The following TJAP1 variants were observed in gnomAD, a reference collection of about 807,000 sequenced individuals.
TJAP1 encodes the protein tight junction associated protein 1, also known as tight junction-associated protein 1.
A neutral mutation model predicts 42.0 loss-of-function variants in TJAP1; 27 were observed. The ratio of observed to expected loss-of-function variants is 0.64; its 90% CI spans 0.47 to 0.89. The LOEUF (loss-of-function observed/expected upper bound fraction) is 0.89, where lower values mean the gene tolerates loss of function less well. TJAP1 is among the 40% of genes least tolerant of loss of function. The pLI is 0.00. For missense variants in TJAP1, 712 were observed against 726.9 expected, an observed-to-expected ratio of 0.98 and a Z score of 0.24; for synonymous variants, 257 against 288.4, an observed-to-expected ratio of 0.89 and a Z score of 1.10.
intron 2 of TJAP1, among the ~76,000 whole-genome samples, chr6:43,489,029 C>T (rs1203168304): frequency 6.6e-6 from 1 of 152,110 alleles, no homozygotes; most frequent in Non-Finnish European, 1.5e-5. Flanking sequence ...GAGAGAGGAC[C>T]CCTCTCTTGT....
intron 3 of TJAP1, 89 bp from the exon 4 acceptor site, chr6:43,498,889 T>TA (rs1774954436): frequency 7.1e-7 from 1 of 1,416,282 alleles, no homozygotes; most frequent in Non-Finnish European, 9.5e-7. Flanking sequence ...GGCCTCAACA[T>TA]ATGTCCCCTT....
Position 43,502,070 on chromosome 6 carries a change from ACACACACT to A in TJAP1, c.291-211_291-204del, listed in dbSNP as rs1208532346. On this transcript the variant is annotated intron_variant, in intron 6 of 10. Coordinates refer to ENST00000372449, the Ensembl canonical transcript of TJAP1. ...GGGACACACACACACACACACACAC[ACACACACT>A]CTCTCTCTCTCTCTCTCTCTCTCTC... Among the ~76,000 whole-genome samples the A allele has an allele frequency of 1.0e-4, 13 of 123,854 alleles. 1 individual carries two copies. The highest frequency in any genetic ancestry group is 4.9e-4 in the African/African-American group (12 of 24,644). 81.3% of individuals were successfully genotyped at this position (123,854 alleles called of 152,430 possible). A position where few individuals can be genotyped will look rare whatever the true frequency, so the allele number is the denominator to read the frequency against.
chr6:43,486,414 G>A (rs1431848814), intron 2 of TJAP1, among the ~76,000 whole-genome samples: 5 of 148,528 alleles, frequency 3.4e-5, no homozygotes, highest in South Asian at 2.1e-4. Context: ...GGAGTGCAGC[G>A]GCGCGATCCC....
At chr6:43,480,703 CG>C (rs1196418865) in intron 2 of TJAP1, among the ~76,000 whole-genome samples, 6 of 152,050 alleles carry the variant, frequency 3.9e-5, no homozygotes, top group African/African-American at 1.4e-4. Context: ...TTAGTAGAAA[CG>C]GGGGTTTCAC....
At chr6:43,504,832 T>C (rs901153502) in exon 11 of TJAP1, 2 of 1,614,102 alleles carry the variant, frequency 1.2e-6, no homozygotes, top group African/African-American at 2.7e-5. Context: ...GCCCAGGTCC[T>C]GCTCCCAGCC....
chr6:43,498,537 A>G (rs2127590654), intron 3 of TJAP1, among the ~76,000 whole-genome samples: 1 of 152,330 alleles, frequency 6.6e-6, no homozygotes, highest in East Asian at 1.9e-4. Context: ...GCAACAGAGC[A>G]AGACCCTGTC....
At chr6:43,499,134 G>T in intron 4 of TJAP1, 34 bp downstream of exon 4, 1 of 1,610,776 alleles carries the variant, frequency 6.2e-7, no homozygotes. Context: ...CTGACCGGCA[G>T]AGGCAAGGCC....
chr6:43,495,179 A>T lies in TJAP1; in HGVS notation c.-121-2702A>T, dbSNP rs1229375369. ...GGGTCTTCCTGGAGGGACCACTCTG[A>T]TGCCATCTGCCTCACCCCTTTACCT... On this transcript the variant is annotated intron_variant, in intron 2 of 10. Coordinates refer to ENST00000372449, the Ensembl canonical transcript of TJAP1. This position sits in a 1 kb window ranked among gnomAD's most constrained non-coding sequence, Gnocchi z 4.6. Among the ~76,000 whole-genome samples, 1 of 152,172 alleles carries T rather than the reference A, an allele frequency of 6.6e-6. No homozygotes were observed. Among genetic ancestry groups the T allele is most frequent in the Non-Finnish European group, 1.5e-5 (1 of 68,016 alleles).
chr6:43,494,080 T>C (rs1788456086), intron 2 of TJAP1, among the ~76,000 whole-genome samples: 1 of 152,186 alleles, frequency 6.6e-6, no homozygotes, highest in Non-Finnish European at 1.5e-5. Context: ...AAGTAGACTT[T>C]GTTCTCTGAA....
intron 2 of TJAP1, among the ~76,000 whole-genome samples, chr6:43,490,823 C>A (rs1038658136): frequency 1.3e-5 from 2 of 152,176 alleles, no homozygotes; most frequent in Non-Finnish European, 2.9e-5. Context: ...CTTCGGATTC[C>A]ACACTGGGCT....
At chr6:43,488,541 T>G (rs1787080969) in intron 2 of TJAP1, among the ~76,000 whole-genome samples, 1 of 152,242 alleles carries the variant, frequency 6.6e-6, no homozygotes, top group African/African-American at 2.4e-5. Flanking sequence ...CTTCACTCAT[T>G]TCATTTTTGC....
In TJAP1 at chr6:43,502,355, C is replaced by G. The variant is rs1212257331; in HGVS notation, c.357+6C>G. On this transcript the variant is annotated splice_donor_region_variant and intron_variant, in intron 7 of 10. Transcript: ENST00000372449. ...AGGACAAGCTGCACACACTGGTAATCTGTCTGGGAGGGCAGCTTGGTGGGC... is the reference window on the plus strand; with the variant it reads ...AGGACAAGCTGCACACACTGGTAATGTGTCTGGGAGGGCAGCTTGGTGGGC... The G allele has an allele frequency of 1.2e-6, 2 of 1,613,242 alleles. No individual in the cohort carries two copies. Among genetic ancestry groups the G allele is most frequent in the African/African-American group, 2.7e-5 (2 of 74,882 alleles).
chr6:43,500,743 G>C lies in TJAP1; in HGVS notation c.100-1G>C. 1 of 1,614,026 alleles carries C rather than the reference G, an allele frequency of 6.2e-7. No individual in the cohort carries two copies. The highest frequency in any genetic ancestry group is 8.5e-7 in the Non-Finnish European group (1 of 1,179,990). On this transcript the variant is annotated splice_acceptor_variant, in intron 4 of 10. Transcript: ENST00000372449. LOFTEE classifies it high-confidence loss of function. ...GCCTCAAGCCTCTCTTTTTTGCCTA[G>C]GAACCCCTGACTGATGCAGAAAGGA...
At position 43,495,763 on chromosome 6, in the gene TJAP1, A is replaced by G. The variant is rs1364630219; in HGVS notation, c.-121-2118A>G. Among the ~76,000 whole-genome samples, 1 of 152,162 alleles carries G rather than the reference A, an allele frequency of 6.6e-6. No individual in the cohort carries two copies. Among genetic ancestry groups the G allele is most frequent in the East Asian group, 1.9e-4 (1 of 5,204 alleles). ...CTAGCAAGCCAGATCGCCTCTGGCC[A>G]TGGAAGCCCTGGGGATAAATACATG... On this transcript the variant is annotated intron_variant, in intron 2 of 10. Transcript: ENST00000372449. The surrounding 1 kb of genome is among the most constrained non-coding windows in gnomAD (Gnocchi z 4.6).
intron 8 of TJAP1, 179 bp from the exon 9 acceptor site, chr6:43,503,222 G>C (rs1342607505): frequency 1.6e-6 from 1 of 606,946 alleles, no homozygotes; most frequent in African/African-American, 1.9e-5. Flanking sequence ...CCCACAGCCA[G>C]TCCAGAGAGC....
chr6:43,488,543 C>G (rs1157331263), intron 2 of TJAP1, among the ~76,000 whole-genome samples: 1 of 152,238 alleles, frequency 6.6e-6, no homozygotes, highest in Non-Finnish European at 1.5e-5. Context: ...TCACTCATTT[C>G]ATTTTTGCCT....
In TJAP1 at chr6:43,492,716, A is replaced by T. The variant is rs1457888058; in HGVS notation, c.-121-5165A>T. On this transcript the variant is annotated intron_variant, in intron 2 of 10. Coordinates refer to ENST00000372449, the Ensembl canonical transcript of TJAP1. The surrounding 1 kb of genome is among the most constrained non-coding windows in gnomAD (Gnocchi z 4.2). ...CAAGGAGTGGGGATCTTCATGAGCAATCCCCAGGACCAAGGCCAGGTCACC... is the reference window on the plus strand; with the variant it reads ...CAAGGAGTGGGGATCTTCATGAGCATTCCCCAGGACCAAGGCCAGGTCACC... Among the ~76,000 whole-genome samples, 1 of 152,124 alleles carries T rather than the reference A, an allele frequency of 6.6e-6. No individual in the cohort carries two copies. The highest frequency in any genetic ancestry group is 1.5e-5 in the Non-Finnish European group (1 of 68,014).
chr6:43,481,283 A>T (rs1053300392), intron 2 of TJAP1, among the ~76,000 whole-genome samples: 6 of 152,130 alleles, frequency 3.9e-5, no homozygotes, highest in Non-Finnish European at 8.8e-5. Flanking sequence ...GATGTGATGC[A>T]ACCTTGGGCC....
intron 2 of TJAP1, among the ~76,000 whole-genome samples, chr6:43,479,114 G>C (rs1784794682): frequency 6.6e-6 from 1 of 152,228 alleles, no homozygotes; most frequent in South Asian, 2.1e-4. Flanking sequence ...ACTGGAGCCA[G>C]AGAACACAGT....
Sources: allele counts gnomAD v4.1 joint callset (sites outside exome capture counted in the v4.1 genomes callset), GRCh38; gene constraint gnomAD v4.1.1; non-coding constraint Gnocchi (gnomAD v3.1); transcripts MANE v1.5; gene names NCBI Gene and HGNC (gene_info 2026-07-23, HGNC 2026-07-21).